Variants in ADAMTS2 observed in about 807,000 individuals in gnomAD.
The protein encoded by ADAMTS2 is A disintegrin and metalloproteinase with thrombospondin motifs 2.
A neutral mutation model predicts 123.0 loss-of-function variants in ADAMTS2; 50 were observed. That is an observed-to-expected ratio of 0.41 (90% CI 0.32 to 0.51). The LOEUF (loss-of-function observed/expected upper bound fraction) is 0.51. Ranked by LOEUF, ADAMTS2 falls within the 20% of genes least tolerant of loss-of-function variation. ADAMTS2 has a pLI of 0.35. For synonymous variants in ADAMTS2, 678 were observed against 695.4 expected (o/e 0.98, Z 0.39); for missense variants, 1,494 against 1,705.2 (o/e 0.88, Z 2.18).
rs544964715 is a variant in ADAMTS2, at chr5:179,222,027, C to T, written c.689-14312G>A. On this transcript the variant is annotated intron_variant, in intron 3 of 21. Transcript: ENST00000251582. ...AGACTCAGAGACAGCACCGAGAGGC[C>T]CCCAGTGCAGCCGCCACTCTGAGCC... 1.0e-3 allele frequency among the ~76,000 whole-genome samples: 159 copies of T among 152,278 alleles called. 2 individuals carry two copies. Among genetic ancestry groups the T allele is most frequent in the African/African-American group, 3.6e-3 (149 of 41,554 alleles).
intron 3 of ADAMTS2, among the ~76,000 whole-genome samples, chr5:179,214,943 C>T (rs463490): frequency 0.24 from 37,138 of 151,904 alleles, 4,606 homozygotes; most frequent in Admixed American, 0.27. Context: ...TTATTCTCCG[C>T]CAAATAATCT....
At chr5:179,236,663 C>T (rs1421186980) in intron 3 of ADAMTS2, among the ~76,000 whole-genome samples, 1 of 152,134 alleles carries the variant, frequency 6.6e-6, no homozygotes, top group Non-Finnish European at 1.5e-5. Flanking sequence ...TAATGGGGTG[C>T]ACCTGCAGTC....
Position 179,154,132 on chromosome 5 carries a change from G to A in ADAMTS2, c.1299C>T (p.Ser433=). The change falls in exon 8 of 22, where the codon AGC becomes AGT. Residue 433 remains serine, a synonymous_variant. Coordinates refer to ENST00000251582, the MANE Select transcript of ADAMTS2 (RefSeq NM_014244.5). ...NRCGDEVRLG[S]IMAPLVQAAF... Reference sequence around the variant, plus strand: ...CGGCCTGCACCAGGGGCGCCATGATGCTGCCCAGCCGCACCTCGTCGCCAC... The same window carrying A: ...CGGCCTGCACCAGGGGCGCCATGATACTGCCCAGCCGCACCTCGTCGCCAC... 1 of 1,590,448 alleles carries A rather than the reference G, an allele frequency of 6.3e-7. No individual in the cohort carries two copies. The highest frequency in any genetic ancestry group is 1.1e-5 in the South Asian group (1 of 88,252).
At position 179,153,446 on chromosome 5, in the gene ADAMTS2, C is replaced by G. The variant is rs2303636; in HGVS notation, c.1515+45G>C. On this transcript the variant is annotated intron_variant, in intron 9 of 21. Transcript: ENST00000251582. Reference sequence around the variant, plus strand: ...GAGCTGCCCCTACACCAGCACGCCTCCCCCCAGACCTGGGAGGGTCCCGGC... The same window carrying G: ...GAGCTGCCCCTACACCAGCACGCCTGCCCCCAGACCTGGGAGGGTCCCGGC... 5 of 1,579,436 alleles carry G rather than the reference C, an allele frequency of 3.2e-6. No homozygotes were observed. In the East Asian group the frequency reaches 8.9e-5, roughly 28 times the overall value.
chr5:179,222,013 C>T (rs974219022), intron 3 of ADAMTS2, among the ~76,000 whole-genome samples: 2 of 152,164 alleles, frequency 1.3e-5, no homozygotes. Context: ...GACTCAGAGA[C>T]AGCACCGAGA....
At chr5:179,266,976 A>G (rs1766388269) in intron 3 of ADAMTS2, among the ~76,000 whole-genome samples, 1 of 152,046 alleles carries the variant, frequency 6.6e-6, no homozygotes. Context: ...TGAAACACTC[A>G]ACTCTTTGTG....
At chr5:179,122,324 G>A (rs962522583) in intron 20 of ADAMTS2, among the ~76,000 whole-genome samples, 16 of 151,656 alleles carry the variant, frequency 1.1e-4, no homozygotes, top group African/African-American at 2.2e-4. Flanking sequence ...CTCTCTACTC[G>A]CACAGGCGTC....
chr5:179,139,147 A>G (rs1174785138), intron 11 of ADAMTS2, among the ~76,000 whole-genome samples: 2 of 152,004 alleles, frequency 1.3e-5, no homozygotes, highest in African/African-American at 4.8e-5. Flanking sequence ...GACGGGGGTA[A>G]CGCTGATGTT....
rs150648205 is a variant in ADAMTS2 at position 179,311,256 on chromosome 5, G to T, written c.534+32511C>A. 1.1e-4 allele frequency among the ~76,000 whole-genome samples: 17 copies of T among 152,296 alleles called. No individual in the cohort carries two copies. In the East Asian group the frequency reaches 3.1e-3, roughly 28 times the overall value. The stretch of plus-strand genomic sequence containing the variant: ...CTGGCCCAGGTGGAGCTGGCCTCTG[G>T]CTGGCCACTTCTCTGGAAGGGCCTC... On this transcript the variant is annotated intron_variant, in intron 2 of 21. Coordinates refer to ENST00000251582, the MANE Select transcript of ADAMTS2 (RefSeq NM_014244.5).
intron 5 of ADAMTS2, among the ~76,000 whole-genome samples, chr5:179,169,830 A>G (rs996574062): frequency 1.2e-4 from 19 of 152,184 alleles, no homozygotes; most frequent in African/African-American, 3.9e-4. Flanking sequence ...TTTCACCTCC[A>G]ATGCTGAAAA....
At chr5:179,168,071 T>C (rs1041586073) in intron 5 of ADAMTS2, among the ~76,000 whole-genome samples, 12 of 152,230 alleles carry the variant, frequency 7.9e-5, no homozygotes, top group African/African-American at 2.9e-4. Context: ...GGTTGGGTTC[T>C]GGTGAGCAGA....
chr5:179,156,429 G>T (rs538459155), intron 6 of ADAMTS2, among the ~76,000 whole-genome samples: 7 of 146,222 alleles, frequency 4.8e-5, no homozygotes, highest in Non-Finnish European at 1.0e-4. Flanking sequence ...GTGTGATCTC[G>T]GCTCACTGCA....
chr5:179,207,425 G>A, intron 4 of ADAMTS2, 88 bp downstream of exon 4: 2 of 1,396,268 alleles, frequency 1.4e-6, no homozygotes, highest in South Asian at 2.4e-5. Flanking sequence ...GAGCCTCAGG[G>A]GACCTGGCCC....
intron 3 of ADAMTS2, among the ~76,000 whole-genome samples, chr5:179,261,985 C>T (rs1264339177): frequency 6.6e-6 from 1 of 152,230 alleles, no homozygotes; most frequent in Non-Finnish European, 1.5e-5. Flanking sequence ...GGCCTGGCTG[C>T]CTGTGGGGCT....
intron 3 of ADAMTS2, among the ~76,000 whole-genome samples, chr5:179,265,972 G>A (rs377143813): frequency 6.6e-6 from 1 of 152,250 alleles, no homozygotes; most frequent in Non-Finnish European, 1.5e-5. Context: ...TCAGTGAGTC[G>A]GCAACAGTGG....
Position 179,181,568 on chromosome 5 carries a change from C to T in ADAMTS2, c.892-413G>A, listed in dbSNP as rs2113313150. 6.6e-6 allele frequency among the ~76,000 whole-genome samples: 1 copy of T among 152,272 alleles called. No homozygotes were observed. The highest frequency in any genetic ancestry group is 6.5e-5 in the Admixed American group (1 of 15,308). On this transcript the variant is annotated intron_variant, in intron 4 of 21. Coordinates refer to ENST00000251582, the MANE Select transcript of ADAMTS2 (RefSeq NM_014244.5). This position sits in a 1 kb window ranked among gnomAD's most constrained non-coding sequence, Gnocchi z 4.1. ...CGGCCCTGGCAGAAGTCACTCCAAG[C>T]TATAGCTGGTGGGTGTGGGGATTAC...
chr5:179,217,864 GGCCTGAGGGCAGAC>G lies in ADAMTS2; in HGVS notation c.689-10163_689-10150del, dbSNP rs1561811433. Among the ~76,000 whole-genome samples, 96 of 50,506 alleles carry G rather than the reference GGCCTGAGGGCAGAC, an allele frequency of 1.9e-3. 2 individuals carry two copies. The highest frequency in any genetic ancestry group is 9.6e-3 in the African/African-American group (94 of 9,842). 33.1% of individuals were successfully genotyped at this position (50,506 alleles called of 152,430 possible). On this transcript the variant is annotated intron_variant, in intron 3 of 21. Coordinates refer to ENST00000251582, the MANE Select transcript of ADAMTS2 (RefSeq NM_014244.5). ...CAGGCACACTCACTAGGTAGGGGAT[GGCCTGAGGGCAGAC>G]GGCACACTCACTAGGTAGGGGATGG...
chr5:179,160,205 T>C (rs974002477), intron 5 of ADAMTS2, among the ~76,000 whole-genome samples: 2 of 152,196 alleles, frequency 1.3e-5, no homozygotes, highest in African/African-American at 4.8e-5. Context: ...ACACCTGTAA[T>C]CCCAGCACTT....
At chr5:179,178,377 G>C (rs947760885) in intron 5 of ADAMTS2, among the ~76,000 whole-genome samples, 2 of 152,214 alleles carry the variant, frequency 1.3e-5, no homozygotes, top group Non-Finnish European at 2.9e-5. Flanking sequence ...ACCTGGGATA[G>C]AGGGCTCAGC....
Sources: gnomAD v4.1 joint callset for allele counts (sites outside exome capture counted in the v4.1 genomes callset) on GRCh38, gnomAD v4.1.1 for gene constraint, Gnocchi (gnomAD v3.1) non-coding constraint, MANE v1.5 for transcripts, NCBI Gene and HGNC (gene_info 2026-07-23, HGNC 2026-07-21) for gene names.